TTC27: variants seen among roughly 807,000 people sequenced by gnomAD.
The protein encoded by TTC27 is tetratricopeptide repeat domain 27, also known as tetratricopeptide repeat protein 27.
In TTC27, 79 loss-of-function variants were observed where a neutral mutation model predicts 115.9. That is an observed-to-expected ratio of 0.68 (90% confidence interval 0.57 to 0.82). The LOEUF (loss-of-function observed/expected upper bound fraction) is 0.82, where lower values mean the gene tolerates loss of function less well. TTC27 is among the 40% of genes least tolerant of loss of function. The probability of loss-of-function intolerance (pLI) is 0.00; values close to 1 mark genes in which losing one functional copy is unlikely to be tolerated. For synonymous variants in TTC27, 401 were observed against 356.0 expected (o/e 1.13, Z -1.42); for missense variants, 1,054 against 993.1 (o/e 1.06, Z -0.82).
intron 9 of TTC27, among the ~76,000 whole-genome samples, chr2:32,701,633 G>T (rs1667186507): frequency 1.3e-5 from 2 of 152,138 alleles, no homozygotes; most frequent in Admixed American, 1.3e-4. Flanking sequence ...AAAAATGAGT[G>T]AAATGAACTG....
At chr2:32,677,757 T>C (rs1666267831) in intron 8 of TTC27, among the ~76,000 whole-genome samples, 2 of 152,156 alleles carry the variant, frequency 1.3e-5, no homozygotes, top group South Asian at 4.1e-4. Flanking sequence ...CCGGCCCAAA[T>C]TGTTTTCTAA....
chr2:32,776,690 C>A (rs1470784222), intron 13 of TTC27, among the ~76,000 whole-genome samples: 1 of 152,238 alleles, frequency 6.6e-6, no homozygotes, highest in East Asian at 1.9e-4. Flanking sequence ...GTCACTGCAG[C>A]CTCCACCTCC....
At chr2:32,629,088 C>G (rs1044140914) in intron 1 of TTC27, among the ~76,000 whole-genome samples, 8 of 150,380 alleles carry the variant, frequency 5.3e-5, no homozygotes, top group African/African-American at 2.0e-4. Context: ...TAAGGTCACA[C>G]TGTTGGTAAG....
At chr2:32,664,565 C>A (rs1418083606) in intron 6 of TTC27, 98 bp downstream of exon 6, 31 of 1,047,800 alleles carry the variant, frequency 3.0e-5, no homozygotes, top group Non-Finnish European at 3.9e-5. Flanking sequence ...TTTTCTATAT[C>A]CTATTTGCTT....
chr2:32,657,552 C>T (rs1665375310), intron 5 of TTC27, among the ~76,000 whole-genome samples: 1 of 151,918 alleles, frequency 6.6e-6, no homozygotes, highest in Admixed American at 6.6e-5. Context: ...CGGAGTTTCA[C>T]CGAAACACTT....
intron 9 of TTC27, among the ~76,000 whole-genome samples, chr2:32,687,548 C>G (rs1666675774): frequency 6.6e-6 from 1 of 152,136 alleles, no homozygotes; most frequent in South Asian, 2.1e-4. Flanking sequence ...CAACTATATG[C>G]TTCCTAGAAG....
chr2:32,733,194 T>C (rs1174980152), intron 10 of TTC27, among the ~76,000 whole-genome samples: 1 of 152,262 alleles, frequency 6.6e-6, no homozygotes, highest in Non-Finnish European at 1.5e-5. Context: ...CTTGTTGGTC[T>C]GCTTCTTGAT....
At chr2:32,784,796 G>A (rs570912615) in intron 15 of TTC27, among the ~76,000 whole-genome samples, 5 of 152,280 alleles carry the variant, frequency 3.3e-5, no homozygotes, top group South Asian at 2.1e-4. Flanking sequence ...TTTACTTGTT[G>A]AGTTCACCCC....
chr2:32,757,738 G>A (rs1669282450), intron 12 of TTC27, among the ~76,000 whole-genome samples: 1 of 151,876 alleles, frequency 6.6e-6, no homozygotes, highest in South Asian at 2.1e-4. Flanking sequence ...TGTTGTCCAG[G>A]CTGGAGTGCA....
chr2:32,818,590 T>C (rs577851185), intron 19 of TTC27, among the ~76,000 whole-genome samples: 86 of 152,342 alleles, frequency 5.6e-4, no homozygotes, highest in Non-Finnish European at 1.1e-3. Flanking sequence ...TCTGTTGAAT[T>C]TCCTATGTGA....
chr2:32,783,591 G>A (rs1286746601), intron 15 of TTC27, among the ~76,000 whole-genome samples: 1 of 152,238 alleles, frequency 6.6e-6, no homozygotes, highest in Non-Finnish European at 1.5e-5. Flanking sequence ...GAAGAAAGAA[G>A]CTTTTGGGGA....
intron 16 of TTC27, among the ~76,000 whole-genome samples, chr2:32,794,124 A>G (rs1188613309): frequency 7.2e-5 from 11 of 152,196 alleles, no homozygotes; most frequent in African/African-American, 2.7e-4. Flanking sequence ...CATATATAAA[A>G]CATTCTACCC....
At chr2:32,674,959 G>A (rs1225051368) in intron 8 of TTC27, among the ~76,000 whole-genome samples, 1 of 151,896 alleles carries the variant, frequency 6.6e-6, no homozygotes. Flanking sequence ...ACCGCACTTG[G>A]CCCTCCAGTG....
chr2:32,812,334 G>A (rs925502739), intron 17 of TTC27, among the ~76,000 whole-genome samples, 170 bp from the exon 18 acceptor site: 14 of 152,190 alleles, frequency 9.2e-5, no homozygotes, highest in Admixed American at 7.2e-4. Flanking sequence ...GCTTGTTGCC[G>A]TTGGGTGTGC....
intron 10 of TTC27, among the ~76,000 whole-genome samples, chr2:32,707,604 A>G (rs980910091): frequency 1.3e-5 from 2 of 152,172 alleles, no homozygotes; most frequent in Non-Finnish European, 2.9e-5. Flanking sequence ...CCCTTATTCC[A>G]AAGTTTAAAA....
chr2:32,809,872 A>G (rs1671258387), intron 16 of TTC27, among the ~76,000 whole-genome samples: 1 of 152,206 alleles, frequency 6.6e-6, no homozygotes, highest in Non-Finnish European at 1.5e-5. Context: ...TAATCCCAGC[A>G]CTTTGGGAGG....
At chr2:32,787,688 A>G (rs1670395411) in intron 16 of TTC27, among the ~76,000 whole-genome samples, 1 of 152,212 alleles carries the variant, frequency 6.6e-6, no homozygotes, top group Admixed American at 6.5e-5. Flanking sequence ...AAAATATTAA[A>G]TAAAAAAGAC....
At chr2:32,791,208 G>A (rs1171463214) in intron 16 of TTC27, among the ~76,000 whole-genome samples, 2 of 152,036 alleles carry the variant, frequency 1.3e-5, no homozygotes, top group Non-Finnish European at 2.9e-5. Flanking sequence ...CCTTGCAGAC[G>A]AATCCTCATA....
intron 5 of TTC27, among the ~76,000 whole-genome samples, chr2:32,652,608 G>C (rs1398293663): frequency 6.6e-6 from 1 of 152,084 alleles, no homozygotes; most frequent in Non-Finnish European, 1.5e-5. Context: ...TTATGTTGCT[G>C]TTCTAGGCTA....
Sources: allele counts gnomAD v4.1 joint callset (sites outside exome capture counted in the v4.1 genomes callset), GRCh38; gene constraint gnomAD v4.1.1; transcripts MANE v1.5; gene names NCBI Gene and HGNC (gene_info 2026-07-23, HGNC 2026-07-21).